TRAPPC9: variants seen among roughly 807,000 people sequenced by gnomAD.
TRAPPC9 encodes IKK2 binding protein.
TRAPPC9 carries 83 observed loss-of-function variants against 124.0 expected under a neutral mutation model. The observed-to-expected ratio is 0.67, with a 90% CI of 0.56 to 0.80. The LOEUF (loss-of-function observed/expected upper bound fraction) is 0.80, where lower values mean the gene tolerates loss of function less well. Ranked by LOEUF, TRAPPC9 falls within the 30% of genes least tolerant of loss-of-function variation. The pLI, the probability that TRAPPC9 is intolerant of heterozygous loss-of-function variation, is 0.00. For missense variants in TRAPPC9, 1,302 were observed against 1,508.3 expected, an observed-to-expected ratio of 0.86 and a Z score of 2.27; for synonymous variants, 638 against 617.5, an observed-to-expected ratio of 1.03 and a Z score of -0.49.
intron 21 of TRAPPC9, among the ~76,000 whole-genome samples, chr8:139,733,533 C>T (rs1394380967): frequency 1.3e-5 from 2 of 152,180 alleles, no homozygotes; most frequent in East Asian, 3.9e-4. Context: ...CCGCAGCCTG[C>T]AATTTGACTT....
intron 9 of TRAPPC9, among the ~76,000 whole-genome samples, chr8:140,357,164 G>A (rs2067778507): frequency 2.6e-5 from 4 of 152,166 alleles, no homozygotes; most frequent in Admixed American, 6.5e-5. Context: ...GAGAGCAGAG[G>A]CCCAGAGTCC....
chr8:139,846,864 GGCTGT>G (rs2130912360), intron 21 of TRAPPC9, among the ~76,000 whole-genome samples: 1 of 152,314 alleles, frequency 6.6e-6, no homozygotes, highest in South Asian at 2.1e-4. Flanking sequence ...TGTACAGGCA[GGCTGT>G]GCATTCAAGA....
rs557404781 is a variant in TRAPPC9, at chr8:140,435,326, G to C, written c.731-86C>G. 179 of 1,511,214 alleles carry C rather than the reference G, an allele frequency of 1.2e-4. No homozygotes were observed. In the African/African-American group the frequency reaches 2.3e-3, roughly 20 times the overall value. 93.6% of individuals were successfully genotyped at this position (1,511,214 alleles called of 1,614,324 possible). A position where few individuals can be genotyped will look rare whatever the true frequency, so the allele number is the denominator to read the frequency against. ...TAGTCAAGTCAGTGACCCTTCATTAGCTCAAACTGCAGTAACTAACAATGA... is the reference window on the plus strand; with the variant it reads ...TAGTCAAGTCAGTGACCCTTCATTACCTCAAACTGCAGTAACTAACAATGA... On this transcript the variant is annotated intron_variant, in intron 3 of 22. Transcript: ENST00000438773.
intron 17 of TRAPPC9, among the ~76,000 whole-genome samples, chr8:140,167,016 T>C (rs780729942): frequency 3.3e-5 from 5 of 152,166 alleles, no homozygotes; most frequent in Non-Finnish European, 7.3e-5. Context: ...CTCGCCATTA[T>C]AGTACTGAAG....
chr8:139,979,939 GC>G (rs1239155301), intron 19 of TRAPPC9, among the ~76,000 whole-genome samples: 2 of 152,062 alleles, frequency 1.3e-5, no homozygotes, highest in Non-Finnish European at 2.9e-5. Flanking sequence ...TTCCCGCTCT[GC>G]CCATGGGTGC....
At chr8:140,126,548 TGCAGTTGAATACAA>T (rs2061101875) in intron 17 of TRAPPC9, among the ~76,000 whole-genome samples, 1 of 152,242 alleles carries the variant, frequency 6.6e-6, no homozygotes, top group Non-Finnish European at 1.5e-5. Flanking sequence ...CAATTTCGTC[TGCAGTTGAATACAA>T]GCAGCACAAT....
intron 17 of TRAPPC9, among the ~76,000 whole-genome samples, chr8:140,025,704 C>T (rs1374523817): frequency 2.0e-5 from 3 of 152,196 alleles, no homozygotes; most frequent in African/African-American, 7.2e-5. Context: ...AACAAGAAGT[C>T]GCTCATTAAA....
At chr8:140,358,925 G>T (rs113715781) in intron 9 of TRAPPC9, among the ~76,000 whole-genome samples, 1 of 152,144 alleles carries the variant, frequency 6.6e-6, no homozygotes, top group Admixed American at 6.5e-5. Context: ...AGGAAGCCCC[G>T]GCCCTCCCAT....
intron 17 of TRAPPC9, among the ~76,000 whole-genome samples, chr8:140,092,940 T>G (rs1022060510): frequency 6.6e-6 from 1 of 151,982 alleles, no homozygotes; most frequent in African/African-American, 2.4e-5. Flanking sequence ...TAAAGGGGGA[T>G]AATCCATTTA....
chr8:140,155,467 G>A (rs528958634), intron 17 of TRAPPC9, among the ~76,000 whole-genome samples: 3 of 152,284 alleles, frequency 2.0e-5, no homozygotes, highest in Admixed American at 6.5e-5. Context: ...AAGAGTGTTC[G>A]TTGAACACCT....
At chr8:140,032,255 A>G (rs1192954594) in intron 17 of TRAPPC9, among the ~76,000 whole-genome samples, 3 of 152,226 alleles carry the variant, frequency 2.0e-5, no homozygotes, top group African/African-American at 7.2e-5. Flanking sequence ...GTCGGTGCTG[A>G]GATGGCTTGC....
chr8:140,404,659 G>C (rs944247472), intron 6 of TRAPPC9, among the ~76,000 whole-genome samples: 4 of 152,214 alleles, frequency 2.6e-5, no homozygotes, highest in African/African-American at 9.6e-5. Flanking sequence ...TCATAAATAA[G>C]ATGTGCGCGT....
chr8:140,351,334 A>C (rs1274593539), intron 9 of TRAPPC9, among the ~76,000 whole-genome samples: 1 of 150,078 alleles, frequency 6.7e-6, no homozygotes. Flanking sequence ...AGGATTGAAA[A>C]TATTTGGGGG....
At chr8:140,392,629 T>C (rs1420953265) in intron 7 of TRAPPC9, among the ~76,000 whole-genome samples, 2 of 152,208 alleles carry the variant, frequency 1.3e-5, no homozygotes, top group Admixed American at 1.3e-4. Context: ...TGCCTGGCCT[T>C]TGGTGTGGAA....
At chr8:140,071,716 G>A (rs1478316070) in intron 17 of TRAPPC9, among the ~76,000 whole-genome samples, 1 of 152,128 alleles carries the variant, frequency 6.6e-6, no homozygotes, top group African/African-American at 2.4e-5. Context: ...ATAAGCAGTG[G>A]CTCCTTTCTC....
In TRAPPC9 at chr8:140,210,943, C is replaced by G. The variant is rs537217514; in HGVS notation, c.2556+10516G>C. On this transcript the variant is annotated intron_variant, in intron 17 of 22. Transcript: ENST00000438773. ...GCTGCTCCCCAGGCCCCGAAGGGCTCGTGGAAACCATTTTTAATTTGTAAC... is the reference window on the plus strand; with the variant it reads ...GCTGCTCCCCAGGCCCCGAAGGGCTGGTGGAAACCATTTTTAATTTGTAAC... 6.6e-5 allele frequency among the ~76,000 whole-genome samples: 10 copies of G among 151,996 alleles called. No individual in the cohort carries two copies. In the East Asian group the frequency reaches 1.5e-3, roughly 23 times the overall value.
chr8:140,061,165 T>C (rs1331770812), intron 17 of TRAPPC9, among the ~76,000 whole-genome samples: 1 of 152,174 alleles, frequency 6.6e-6, no homozygotes, highest in Non-Finnish European at 1.5e-5. Flanking sequence ...CATTGGAAGA[T>C]TTCAGAAACA....
chr8:140,151,690 A>G (rs987627116), intron 17 of TRAPPC9, among the ~76,000 whole-genome samples: 15 of 152,258 alleles, frequency 9.9e-5, no homozygotes, highest in Admixed American at 9.8e-4. Flanking sequence ...AGAGTTCAAC[A>G]CAGGAATGCG....
At chr8:140,224,490 T>C (rs1446227691) in intron 16 of TRAPPC9, among the ~76,000 whole-genome samples, 1 of 152,062 alleles carries the variant, frequency 6.6e-6, no homozygotes, top group Non-Finnish European at 1.5e-5. Flanking sequence ...AAAACAGTGG[T>C]GTTCAGTGTT....
Sources: gnomAD v4.1 joint callset for allele counts (sites outside exome capture counted in the v4.1 genomes callset) on GRCh38, gnomAD v4.1.1 for gene constraint, MANE v1.5 for transcripts, NCBI Gene and HGNC (gene_info 2026-07-23, HGNC 2026-07-21) for gene names.